SLC24A4: variants seen among roughly 807,000 people sequenced by gnomAD.
The protein encoded by SLC24A4 is solute carrier family 24 member 4.
SLC24A4 carries 53 observed loss-of-function variants against 79.0 expected under a neutral mutation model. The ratio of observed to expected loss-of-function variants is 0.67; its 90% CI spans 0.54 to 0.84. The LOEUF (loss-of-function observed/expected upper bound fraction) is 0.84. Ranked by LOEUF, SLC24A4 falls within the 40% of genes least tolerant of loss-of-function variation. The probability of loss-of-function intolerance (pLI) is 0.00; values close to 1 mark genes in which losing one functional copy is unlikely to be tolerated. For synonymous variants in SLC24A4, 323 were observed against 323.8 expected (o/e 1.00, Z 0.03); for missense variants, 731 against 822.0 (o/e 0.89, Z 1.35).
chr14:92,380,304 G>A (rs1888765844), intron 2 of SLC24A4, among the ~76,000 whole-genome samples: 1 of 152,178 alleles, frequency 6.6e-6, no homozygotes, highest in African/African-American at 2.4e-5. Context: ...GAGTCTCCTA[G>A]GAGGTGGCCA....
chr14:92,375,614 T>C (rs1262246731), intron 2 of SLC24A4, among the ~76,000 whole-genome samples: 1 of 152,256 alleles, frequency 6.6e-6, no homozygotes, highest in African/African-American at 2.4e-5. Flanking sequence ...AATGGAATAT[T>C]ATTCAGCCTT....
intron 12 of SLC24A4, among the ~76,000 whole-genome samples, chr14:92,476,101 T>G (rs1894748839): frequency 1.3e-5 from 2 of 152,160 alleles, no homozygotes; most frequent in African/African-American, 4.8e-5. Flanking sequence ...CATATGAAAA[T>G]TATCCTTCTA....
At chr14:92,416,974 T>C (rs1049917599) in intron 2 of SLC24A4, among the ~76,000 whole-genome samples, 2 of 152,252 alleles carry the variant, frequency 1.3e-5, no homozygotes, top group East Asian at 3.8e-4. Flanking sequence ...TATGTCCAAG[T>C]TACAACTGTC....
Position 92,325,868 on chromosome 14 carries a change from G to T in SLC24A4, c.131G>T (p.Gly44Val). Residue 44 changes from glycine (G) to valine (V), a missense_variant and splice_region_variant, in exon 2 of 17, where the codon GGG becomes GTG. Gly to Val is a moderately radical substitution (Grantham distance 109). Coordinates refer to ENST00000532405, the MANE Select transcript of SLC24A4 (RefSeq NM_153646.4). ...ATCTGTGACTTATTTTCCAATCCAGGGCACAAAACAGCTTCTGCTAGCAAA... is the reference window on the plus strand; with the variant it reads ...ATCTGTGACTTATTTTCCAATCCAGTGCACAAAACAGCTTCTGCTAGCAAA... ...CCASGLFGSL[G>V]HKTASASKRV... The T allele has an allele frequency of 1.2e-6, 2 of 1,601,746 alleles. No individual in the cohort carries two copies. The highest frequency in any genetic ancestry group is 2.2e-5 in the East Asian group (1 of 44,834).
chr14:92,352,270 G>A (rs932241502), intron 2 of SLC24A4, among the ~76,000 whole-genome samples: 2 of 152,196 alleles, frequency 1.3e-5, no homozygotes, highest in African/African-American at 4.8e-5. Context: ...AAGGAAGGAT[G>A]TTTAACTTGA....
At chr14:92,417,157 A>G (rs1489578156) in intron 2 of SLC24A4, among the ~76,000 whole-genome samples, 1 of 152,228 alleles carries the variant, frequency 6.6e-6, no homozygotes, top group Non-Finnish European at 1.5e-5. Context: ...GTCATGCACC[A>G]TATAACAACA....
At chr14:92,479,328 G>A (rs1392161670) in intron 12 of SLC24A4, among the ~76,000 whole-genome samples, 1 of 152,178 alleles carries the variant, frequency 6.6e-6, no homozygotes. Context: ...TTAAGTATAA[G>A]TGCTAGCTGT....
At position 92,493,822 on chromosome 14, in the gene SLC24A4, A is replaced by T; in HGVS notation, c.*194A>T. ...TGCTGGGCATCCTCCTCCTCCTTGGAGTTCCGCCCCTGCAAGGCTGGATTT... is the reference window on the plus strand; with the variant it reads ...TGCTGGGCATCCTCCTCCTCCTTGGTGTTCCGCCCCTGCAAGGCTGGATTT... On this transcript the variant is annotated 3_prime_UTR_variant, in exon 17 of 17. Coordinates refer to ENST00000532405, the MANE Select transcript of SLC24A4 (RefSeq NM_153646.4). 1.5e-6 allele frequency: 1 copy of T among 665,626 alleles called. No individual in the cohort carries two copies. The highest frequency in any genetic ancestry group is 2.0e-5 in the South Asian group (1 of 49,836). 41.2% of individuals were successfully genotyped at this position (665,626 alleles called of 1,614,324 possible). A position where few individuals can be genotyped will look rare whatever the true frequency, so the allele number is the denominator to read the frequency against.
chr14:92,477,105 C>T (rs1894807369), intron 12 of SLC24A4, among the ~76,000 whole-genome samples: 1 of 152,196 alleles, frequency 6.6e-6, no homozygotes, highest in South Asian at 2.1e-4. Flanking sequence ...GAGAAACTGT[C>T]AGACTGTTTT....
chr14:92,346,798 C>A (rs1045183595), intron 2 of SLC24A4, among the ~76,000 whole-genome samples: 2 of 152,140 alleles, frequency 1.3e-5, no homozygotes, highest in Admixed American at 6.5e-5. Flanking sequence ...GTGGGTGGAC[C>A]TGGTCTGCAG....
rs1372340600 is a variant in SLC24A4 at position 92,449,147 on chromosome 14, G to T, written c.811G>T (p.Glu271Ter). The stretch of plus-strand genomic sequence containing the variant: ...TGCAAACGGTAACCCGGTCAACAGT[G>T]AGCTGGAGGCTGGTAATGATTTCTA... ...SIANGNPVNSELEAGNDFYDG... is the reference protein window; with the variant it reads ...SIANGNPVNS Residue 271 changes from glutamate (E) to a stop codon, truncating the protein, a stop_gained, in exon 10 of 17, where the codon GAG becomes TAG. Transcript: ENST00000532405. LOFTEE classifies it high-confidence loss of function. The T allele has an allele frequency of 1.2e-6, 2 of 1,614,214 alleles. No individual in the cohort carries two copies. The highest frequency in any genetic ancestry group is 3.3e-5 in the Admixed American group (2 of 60,032).
chr14:92,465,458 A>C (rs1272009400), intron 12 of SLC24A4, among the ~76,000 whole-genome samples: 1 of 152,156 alleles, frequency 6.6e-6, no homozygotes. Context: ...GGACCCATTT[A>C]CATCCAGTTG....
chr14:92,487,152 C>T (rs758898357), intron 14 of SLC24A4, among the ~76,000 whole-genome samples: 5 of 152,242 alleles, frequency 3.3e-5, no homozygotes, highest in African/African-American at 9.6e-5. Context: ...GCATCCTATA[C>T]ATCCAACTCC....
intron 2 of SLC24A4, among the ~76,000 whole-genome samples, chr14:92,332,314 T>C (rs1885527092): frequency 6.6e-6 from 1 of 152,140 alleles, no homozygotes; most frequent in African/African-American, 2.4e-5. Flanking sequence ...CAATATGTGT[T>C]AATCGACAGT....
At position 92,412,497 on chromosome 14, in the gene SLC24A4, A is replaced by G. The variant is rs1890775613; in HGVS notation, c.242-21415A>G. 2.0e-5 allele frequency among the ~76,000 whole-genome samples: 3 copies of G among 152,134 alleles called. No individual in the cohort carries two copies. In the South Asian group the frequency reaches 6.2e-4, roughly 32 times the overall value. On this transcript the variant is annotated intron_variant, in intron 2 of 16. Coordinates refer to ENST00000532405, the MANE Select transcript of SLC24A4 (RefSeq NM_153646.4). ...CTGGTGTGATCTGGCTCTGATCTGC[A>G]TTTGGTGGGACGCTTCTGTCCTCCT...
chr14:92,481,847 C>A (rs1265637620), intron 12 of SLC24A4, among the ~76,000 whole-genome samples: 1 of 152,236 alleles, frequency 6.6e-6, no homozygotes, highest in African/African-American at 2.4e-5. Flanking sequence ...TCCACCATTT[C>A]ATTGATGAGC....
At chr14:92,443,842 T>C (rs934875185) in intron 7 of SLC24A4, among the ~76,000 whole-genome samples, 31 of 152,162 alleles carry the variant, frequency 2.0e-4, no homozygotes, top group African/African-American at 7.2e-4. Flanking sequence ...CGGGCAGGGC[T>C]GCGCTTGCAG....
chr14:92,414,272 G>A (rs1039704351), intron 2 of SLC24A4, among the ~76,000 whole-genome samples: 1 of 152,154 alleles, frequency 6.6e-6, no homozygotes, highest in Admixed American at 6.5e-5. Flanking sequence ...CCCTCCCCCG[G>A]TTGTGACAAC....
At chr14:92,336,488 G>T (rs376760707) in intron 2 of SLC24A4, among the ~76,000 whole-genome samples, 3 of 152,192 alleles carry the variant, frequency 2.0e-5, no homozygotes, top group African/African-American at 7.2e-5. Context: ...ACGCATGGCC[G>T]CCTGGTTTCT....
Sources: gnomAD v4.1 joint callset for allele counts (sites outside exome capture counted in the v4.1 genomes callset) on GRCh38, gnomAD v4.1.1 for gene constraint, MANE v1.5 for transcripts, NCBI Gene and HGNC (gene_info 2026-07-23, HGNC 2026-07-21) for gene names.